The following RFFL variants were observed in gnomAD, a reference collection of about 807,000 sequenced individuals.
RFFL encodes the protein ring finger and FYVE like domain containing E3 ubiquitin protein ligase.
RFFL carries 16 observed loss-of-function variants against 40.4 expected under a neutral mutation model. The observed-to-expected ratio is 0.40, with a 90% CI of 0.27 to 0.60. RFFL has a LOEUF of 0.60. Ranked by LOEUF, RFFL falls within the 20% of genes least tolerant of loss-of-function variation. The pLI, the probability that RFFL is intolerant of heterozygous loss-of-function variation, is 0.47. For synonymous variants in RFFL, 154 were observed against 167.9 expected (o/e 0.92, Z 0.64); for missense variants, 367 against 451.7 (o/e 0.81, Z 1.70).
intron 1 of RFFL, among the ~76,000 whole-genome samples, chr17:35,039,297 G>A (rs1348090545): frequency 6.6e-6 from 1 of 152,266 alleles, no homozygotes; most frequent in African/African-American, 2.4e-5. Flanking sequence ...TCGGCTCACT[G>A]CAACCTCCGC....
At chr17:35,053,456 A>C (rs570552869) in intron 1 of RFFL, among the ~76,000 whole-genome samples, 5 of 152,328 alleles carry the variant, frequency 3.3e-5, no homozygotes, top group Admixed American at 3.3e-4. Context: ...TAGGTGACAC[A>C]ACATCTTCTC....
In RFFL at chr17:35,088,849, T is replaced by C. The variant is rs1273759247; in HGVS notation, c.-9+256A>G. 4 of 152,360 alleles carry C rather than the reference T, an allele frequency of 2.6e-5. 1 individual carries two copies. Among genetic ancestry groups the C allele is most frequent in the African/African-American group, 7.2e-5 (3 of 41,474 alleles). The allele number at this position is 152,360 out of a possible 1,614,324, so 9.4% of individuals were successfully genotyped here. A position where few individuals can be genotyped will look rare whatever the true frequency, so the allele number is the denominator to read the frequency against. On this transcript the variant is annotated intron_variant, in intron 1 of 6. Coordinates refer to the RFFL transcript ENST00000315249. ...ATAATCGAGGACGCACGTCTCCTGTTACTGCCCCCACAGGTGAAACGCTTT... is the reference window on the plus strand; with the variant it reads ...ATAATCGAGGACGCACGTCTCCTGTCACTGCCCCCACAGGTGAAACGCTTT...
chr17:35,026,704 TTTTG>T (rs1274488819), intron 1 of RFFL, 143 bp from the exon 2 acceptor site: 2 of 671,226 alleles, frequency 3.0e-6, no homozygotes, highest in Non-Finnish European at 4.9e-6. Flanking sequence ...TTCAAACAGA[TTTTG>T]TTTTTCTTCT....
chr17:35,078,979 CAA>C (rs1035264568), intron 1 of RFFL, among the ~76,000 whole-genome samples: 26 of 77,138 alleles, frequency 3.4e-4, no homozygotes, highest in Non-Finnish European at 4.3e-4. Context: ...GACACTGTTT[CAA>C]AAAAAAAAAA....
intron 1 of RFFL, among the ~76,000 whole-genome samples, chr17:35,060,816 T>C (rs2091287018): frequency 6.6e-6 from 1 of 152,166 alleles, no homozygotes; most frequent in Non-Finnish European, 1.5e-5. Context: ...CTCTCTCTGA[T>C]GGTGCCAAGC....
At chr17:35,067,746 C>A (rs1379960847), upstream of RFFL, among the ~76,000 whole-genome samples, 1 of 152,118 alleles carries the variant, frequency 6.6e-6, no homozygotes, top group East Asian at 1.9e-4. Flanking sequence ...TGAGCCACTG[C>A]GCCCGGCCTT....
intron 5 of RFFL, 69 bp downstream of exon 5, chr17:35,016,301 C>T (rs2090972615): frequency 7.2e-7 from 1 of 1,395,862 alleles, no homozygotes; most frequent in Admixed American, 1.7e-5. Flanking sequence ...CAGGTCAATA[C>T]CATCATGCTT....
intron 1 of RFFL, among the ~76,000 whole-genome samples, chr17:35,086,338 T>C (rs2091429092): frequency 6.6e-6 from 1 of 151,916 alleles, no homozygotes; most frequent in South Asian, 2.1e-4. Context: ...ACACAAAAAT[T>C]AGCTGGGCGT....
chr17:35,048,911 G>C (rs995608555), intron 1 of RFFL, among the ~76,000 whole-genome samples: 19 of 152,076 alleles, frequency 1.2e-4, no homozygotes, highest in African/African-American at 4.6e-4. Flanking sequence ...AATGTTTTCT[G>C]CTCCTGCCAG....
intron 6 of RFFL, among the ~76,000 whole-genome samples, chr17:35,014,307 C>T (rs938881884): frequency 6.6e-6 from 1 of 152,092 alleles, no homozygotes; most frequent in African/African-American, 2.4e-5. Flanking sequence ...TGTCTCAGGT[C>T]ACCACCCTTT....
chr17:35,078,979 C>CAA (rs1035264568), intron 1 of RFFL, among the ~76,000 whole-genome samples: 9 of 77,258 alleles, frequency 1.2e-4, no homozygotes, highest in African/African-American at 4.4e-5. Flanking sequence ...GACACTGTTT[C>CAA]AAAAAAAAAA....
At position 35,016,438 on chromosome 17, in the gene RFFL, C is replaced by T. The variant is rs1353254026; in HGVS notation, c.818G>A (p.Cys273Tyr). ...ARNFVNYKGC[C>Y]EKWELMERVT... ...TCTCTCCATCAGCTCCCACTTCTCA[C>T]AGCAGCCCTTGTAGTTGACAAAGTT... Residue 273 changes from cysteine to tyrosine, a missense_variant, in exon 5 of 7, where the codon TGT becomes TAT. Transcript: ENST00000394597. 2 of 1,614,098 alleles carry T rather than the reference C, an allele frequency of 1.2e-6. No individual in the cohort carries two copies. The highest frequency in any genetic ancestry group is 1.3e-5 in the African/African-American group (1 of 74,938).
intron 1 of RFFL, among the ~76,000 whole-genome samples, chr17:35,039,649 C>G (rs902516714): frequency 2.0e-5 from 3 of 152,004 alleles, no homozygotes; most frequent in African/African-American, 7.2e-5. Context: ...CTGTGATCTC[C>G]TCTAAATCAA....
intron 1 of RFFL, among the ~76,000 whole-genome samples, chr17:35,032,277 A>G (rs2091090076): frequency 6.6e-6 from 1 of 151,956 alleles, no homozygotes; most frequent in Non-Finnish European, 1.5e-5. Flanking sequence ...TTGTTGTCTC[A>G]TTTGCATATT....
chr17:35,012,454 G>A (rs561449457), intron 6 of RFFL, among the ~76,000 whole-genome samples: 1 of 152,296 alleles, frequency 6.6e-6, no homozygotes, highest in Admixed American at 6.5e-5. Flanking sequence ...AAGCTTAAAA[G>A]AAATAATTTT....
At chr17:35,060,436 G>GT (rs1362559745) in intron 1 of RFFL, among the ~76,000 whole-genome samples, 1 of 152,166 alleles carries the variant, frequency 6.6e-6, no homozygotes, top group East Asian at 1.9e-4. Context: ...TTAATGCAGT[G>GT]TAAGAACCAT....
At chr17:35,086,655 GTAATT>G (rs2091431658) in intron 1 of RFFL, among the ~76,000 whole-genome samples, 2 of 152,078 alleles carry the variant, frequency 1.3e-5, no homozygotes, top group African/African-American at 4.8e-5. Context: ...TTCACCAATA[GTAATT>G]TAAACTATGC....
rs1381143841 is a variant in RFFL at position 35,031,501 on chromosome 17, A to G, written c.-8-4940T>C. ...TGCTGTTTCCAGTGCTAGGTAAGGA[A>G]GGTTAAGTACCTACCCTCAAGGAGC... On this transcript the variant is annotated intron_variant, in intron 1 of 6. Coordinates refer to ENST00000394597, the MANE Select transcript of RFFL (RefSeq NM_001017368.2). Among the ~76,000 whole-genome samples, 3 of 152,024 alleles carry G rather than the reference A, an allele frequency of 2.0e-5. 1 individual carries two copies. Among genetic ancestry groups the G allele is most frequent in the African/African-American group, 7.3e-5 (3 of 41,278 alleles).
chr17:35,073,779 A>ACG (rs1019903367), intron 1 of RFFL: 1 of 151,908 alleles, frequency 6.6e-6, no homozygotes, highest in Non-Finnish European at 1.5e-5. Context: ...ACAGACACAC[A>ACG]CGCACACACA....
Sources: gnomAD v4.1 joint callset for allele counts (sites outside exome capture counted in the v4.1 genomes callset) on GRCh38, gnomAD v4.1.1 for gene constraint, MANE v1.5 for transcripts, NCBI Gene and HGNC (gene_info 2026-07-23, HGNC 2026-07-21) for gene names.